The following EAPP variants were observed in gnomAD, a reference collection of about 807,000 sequenced individuals.
The protein encoded by EAPP is E2F-associated phosphoprotein.
A neutral mutation model predicts 34.3 loss-of-function variants in EAPP; 38 were observed. That is an observed-to-expected ratio of 1.11 (90% CI 0.85 to 1.45). EAPP has a LOEUF of 1.45. EAPP is among the 40% of genes most tolerant of loss of function. The probability of loss-of-function intolerance (pLI) is 0.00; values close to 1 mark genes in which losing one functional copy is unlikely to be tolerated. For synonymous variants in EAPP, 113 were observed against 117.6 expected (o/e 0.96, Z 0.25); for missense variants, 338 against 343.7 (o/e 0.98, Z 0.13).
intron 5 of EAPP, 44 bp downstream of exon 5, chr14:34,524,653 A>ATATGTGTGTGTG (rs1555319949): frequency 1.1e-6 from 1 of 874,608 alleles, no homozygotes; most frequent in Middle Eastern, 2.4e-4. Flanking sequence ...TAAACAAAAT[A>ATATGTGTGTGTG]TGTATGTGTG....
Position 34,516,261 on chromosome 14 carries a change from A to G in EAPP, c.*49T>C. 1 of 1,518,792 alleles carries G rather than the reference A, an allele frequency of 6.6e-7. No individual in the cohort carries two copies. The highest frequency in any genetic ancestry group is 1.3e-5 in the South Asian group (1 of 77,800). 94.1% of individuals were successfully genotyped at this position (1,518,792 alleles called of 1,614,324 possible). On this transcript the variant is annotated 3_prime_UTR_variant, in exon 6 of 6. Coordinates refer to ENST00000250454, the MANE Select transcript of EAPP (RefSeq NM_018453.4). ...ACAGGCAAGAGGAAAGTAACTGTCC[A>G]TATTTGCCTTATATACAGTATTGGG...
chr14:34,519,696 CT>C (rs1879850294), intron 5 of EAPP, among the ~76,000 whole-genome samples: 2 of 152,148 alleles, frequency 1.3e-5, no homozygotes, highest in Non-Finnish European at 2.9e-5. Flanking sequence ...CATTTTGCTG[CT>C]TTTTTTCTGG....
intron 4 of EAPP, among the ~76,000 whole-genome samples, chr14:34,529,096 A>C (rs1415859146): frequency 6.6e-6 from 1 of 152,122 alleles, no homozygotes; most frequent in Non-Finnish European, 1.5e-5. Flanking sequence ...AGATCGCGCC[A>C]CTGCACTCCA....
intron 3 of EAPP, among the ~76,000 whole-genome samples, chr14:34,531,054 C>T (rs1880273053): frequency 6.6e-6 from 1 of 151,914 alleles, no homozygotes; most frequent in African/African-American, 2.4e-5. Flanking sequence ...CCTGTAATCC[C>T]AGAACTTTGG....
intron 1 of EAPP, among the ~76,000 whole-genome samples, chr14:34,538,489 A>G (rs1880549635): frequency 6.6e-6 from 1 of 152,174 alleles, no homozygotes; most frequent in Non-Finnish European, 1.5e-5. Flanking sequence ...CCTGGTATCT[A>G]TCCTCACTCC....
Position 34,536,232 on chromosome 14 carries a change from G to T in EAPP, c.118C>A (p.Gln40Lys), listed in dbSNP as rs756733657. The T allele has an allele frequency of 6.2e-7, 1 of 1,611,592 alleles. No homozygotes were observed. The highest frequency in any genetic ancestry group is 1.1e-5 in the South Asian group (1 of 90,534). The change falls in exon 2 of 6, where the codon CAA becomes AAA. Residue 40 changes from glutamine (Q) to lysine (K), a missense_variant. Transcript: ENST00000250454. ...VDVLLHGTPD[Q>K]KRKLIRECLT... ...CATTCTCTGATGAGTTTTCGTTTTTGGTCAGGAGTTCCATGTAAAAGCACA... is the reference window on the plus strand; with the variant it reads ...CATTCTCTGATGAGTTTTCGTTTTTTGTCAGGAGTTCCATGTAAAAGCACA...
intron 3 of EAPP, among the ~76,000 whole-genome samples, chr14:34,531,192 C>A (rs1300627547): frequency 2.6e-5 from 4 of 152,156 alleles, no homozygotes; most frequent in Non-Finnish European, 4.4e-5. Flanking sequence ...GTAGTCCCAA[C>A]TACCAGGAAG....
At position 34,516,052 on chromosome 14, in the gene EAPP, T is replaced by C. The variant is rs147420299; in HGVS notation, c.*258A>G. 2,898 of 373,778 alleles carry C rather than the reference T, an allele frequency of 7.8e-3. 79 individuals carry two copies. Among genetic ancestry groups the C allele is most frequent in the African/African-American group, 0.055 (2,643 of 48,204 alleles). 23.2% of individuals were successfully genotyped at this position (373,778 alleles called of 1,614,324 possible). On this transcript the variant is annotated 3_prime_UTR_variant, in exon 6 of 6. Transcript: ENST00000250454. ...ACATTTTAATTCTACAGAGCTTTAA[T>C]AAAAAGCCCGACAGTTTCCAAATGT...
intron 4 of EAPP, 32 bp downstream of exon 4, chr14:34,529,326 A>T: frequency 6.9e-7 from 1 of 1,450,060 alleles, no homozygotes; most frequent in South Asian, 1.2e-5. Flanking sequence ...CTTTTTTTCT[A>T]AAGATTCTAA....
At position 34,516,439 on chromosome 14, in the gene EAPP, G is replaced by C. The variant is rs7797; in HGVS notation, c.729C>G (p.Ala243=). 7 of 1,613,788 alleles carry C rather than the reference G, an allele frequency of 4.3e-6. No homozygotes were observed. The East Asian group carries it at 1.3e-4, about 31-fold the overall frequency. The change falls in exon 6 of 6, where the codon GCC becomes GCG. Residue 243 remains alanine, a synonymous_variant. Transcript: ENST00000250454. ...KKMRSNREDA[A]EKAETDVEEI... ...CTTCCACATCTGTCTCTGCCTTCTC[G>C]GCAGCATCTTCCCGGTTAGACCTCA...
intron 1 of EAPP, among the ~76,000 whole-genome samples, chr14:34,538,061 G>T (rs997568330): frequency 6.6e-6 from 1 of 152,066 alleles, no homozygotes; most frequent in Non-Finnish European, 1.5e-5. Flanking sequence ...AACTGTCACA[G>T]AATTATAAAG....
At chr14:34,524,852 G>A in intron 4 of EAPP, 45 bp from the exon 5 acceptor site, 1 of 1,476,016 alleles carries the variant, frequency 6.8e-7, no homozygotes, top group Non-Finnish European at 9.5e-7. Context: ...ATTAAAACCA[G>A]ATCTTGGTTT....
chr14:34,523,147 A>T (rs911996393), intron 5 of EAPP, among the ~76,000 whole-genome samples: 1 of 151,900 alleles, frequency 6.6e-6, no homozygotes, highest in Non-Finnish European at 1.5e-5. Flanking sequence ...TGGTGGTGAT[A>T]GCTTCAGTGC....
Position 34,529,422 on chromosome 14 carries a change from C to A in EAPP, c.406G>T (p.Glu136Ter). The change falls in exon 4 of 6, where the codon GAA becomes TAA. Residue 136 changes from glutamate (E) to a stop codon, truncating the protein, a stop_gained. Transcript: ENST00000250454. LOFTEE classifies it high-confidence loss of function. The part of the protein sequence containing the change: ...KKQHKIPTND[E>*]LLYDPEKDNR... ...TCTTTTTCAGGATCATACAGTAATTCGTCATTTGTTGGAATCTTGTGTTGT... is the reference window on the plus strand; with the variant it reads ...TCTTTTTCAGGATCATACAGTAATTAGTCATTTGTTGGAATCTTGTGTTGT... 2 of 1,613,406 alleles carry A rather than the reference C, an allele frequency of 1.2e-6. No individual in the cohort carries two copies. The highest frequency in any genetic ancestry group is 3.3e-5 in the Admixed American group (2 of 59,956).
Position 34,531,043 on chromosome 14 carries a change from G to A in EAPP, c.353-1568C>T, listed in dbSNP as rs1004053016. On this transcript the variant is annotated intron_variant, in intron 3 of 5. Transcript: ENST00000250454. ...TAGCAGGCAGGGAGTGGTGGCTCAT[G>A]CCTGTAATCCCAGAACTTTGGGAGG... is the stretch of plus-strand genomic sequence containing the variant. Among the ~76,000 whole-genome samples, 5 of 152,014 alleles carry A rather than the reference G, an allele frequency of 3.3e-5. No homozygotes were observed. The East Asian group carries it at 9.7e-4, about 29-fold the overall frequency.
intron 4 of EAPP, among the ~76,000 whole-genome samples, chr14:34,526,732 T>C (rs1880108647): frequency 6.6e-6 from 1 of 150,814 alleles, no homozygotes; most frequent in African/African-American, 2.4e-5. Context: ...TATTAAAAAT[T>C]AAATTAGAAA....
chr14:34,518,497 C>G (rs1434508756), intron 5 of EAPP, among the ~76,000 whole-genome samples: 2 of 151,842 alleles, frequency 1.3e-5, no homozygotes, highest in Non-Finnish European at 2.9e-5. Flanking sequence ...TCATGCCCAG[C>G]TAATTTTGGT....
chr14:34,519,413 T>C (rs1461329414), intron 5 of EAPP, among the ~76,000 whole-genome samples: 1 of 152,006 alleles, frequency 6.6e-6, no homozygotes, highest in Non-Finnish European at 1.5e-5. Context: ...TGTGTGCCTG[T>C]AGTCCCAGCT....
intron 5 of EAPP, among the ~76,000 whole-genome samples, chr14:34,518,325 ATTTTTTTTTTT>A (rs71404852): frequency 5.4e-5 from 4 of 74,082 alleles, no homozygotes; most frequent in South Asian, 1.0e-3. Flanking sequence ...CTCCCTTTAG[ATTTTTTTTTTT>A]TTTTTTTTTT....
Sources: allele counts gnomAD v4.1 joint callset (sites outside exome capture counted in the v4.1 genomes callset), GRCh38; gene constraint gnomAD v4.1.1; transcripts MANE v1.5; gene names NCBI Gene and HGNC (gene_info 2026-07-23, HGNC 2026-07-21).